Variants in PDE8A observed in about 807,000 individuals in gnomAD.
The protein encoded by PDE8A is phosphodiesterase 8A, also known as high affinity cAMP-specific and IBMX-insensitive 3',5'-cyclic phosphodiesterase 8A.
In PDE8A, 59 loss-of-function variants were observed where a neutral mutation model predicts 105.0. The observed-to-expected ratio is 0.56, with a 90% CI of 0.46 to 0.70. PDE8A has a LOEUF of 0.70. Among genes scored for constraint, PDE8A ranks in the 30% least tolerant of loss-of-function variants. PDE8A has a pLI of 0.00. For synonymous variants in PDE8A, 355 were observed against 371.9 expected (o/e 0.95, Z 0.52); for missense variants, 1,014 against 1,045.9 (o/e 0.97, Z 0.42).
chr15:85,057,643 G>C (rs1023223057), intron 1 of PDE8A, among the ~76,000 whole-genome samples: 2 of 152,212 alleles, frequency 1.3e-5, no homozygotes, highest in Non-Finnish European at 2.9e-5. Flanking sequence ...GACTGGAGCT[G>C]TTCCTATTCG....
At chr15:84,989,802 C>T (rs1056284148) in intron 1 of PDE8A, among the ~76,000 whole-genome samples, 5 of 152,138 alleles carry the variant, frequency 3.3e-5, no homozygotes, top group African/African-American at 9.7e-5. Context: ...TATTTTTTAA[C>T]GCAGATCTCA....
chr15:85,046,482 G>T (rs2080890188), intron 1 of PDE8A, among the ~76,000 whole-genome samples: 1 of 152,184 alleles, frequency 6.6e-6, no homozygotes, highest in Non-Finnish European at 1.5e-5. Context: ...GGTTTAAAAA[G>T]ATTAGCTGTT....
intron 5 of PDE8A, among the ~76,000 whole-genome samples, chr15:85,078,547 T>TAAAA (rs767568911): frequency 1.2e-4 from 1 of 8,180 alleles, no homozygotes; most frequent in African/African-American, 3.7e-4. Context: ...ATACTCCATC[T>TAAAA]CAAAAAAAAA....
chr15:85,113,062 A>T (rs1284113819), intron 12 of PDE8A, among the ~76,000 whole-genome samples: 1 of 152,208 alleles, frequency 6.6e-6, no homozygotes, highest in Non-Finnish European at 1.5e-5. Flanking sequence ...CTAAGTAATT[A>T]TAAAGGCTTA....
chr15:84,982,391 C>A (rs775326380), intron 1 of PDE8A, 43 bp downstream of exon 1: 31 of 1,255,452 alleles, frequency 2.5e-5, no homozygotes, highest in Middle Eastern at 2.8e-4. Context: ...GAAACTCGGG[C>A]CCGGCCAGTA....
intron 1 of PDE8A, among the ~76,000 whole-genome samples, chr15:85,033,849 A>G (rs2080657867): frequency 6.6e-6 from 1 of 152,216 alleles, no homozygotes. Context: ...TGGGCGATAG[A>G]GCAAGACGTG....
At chr15:85,092,148 A>C (rs1434999349) in intron 8 of PDE8A, among the ~76,000 whole-genome samples, 2 of 151,994 alleles carry the variant, frequency 1.3e-5, no homozygotes, top group Non-Finnish European at 2.9e-5. Context: ...AGACACCATG[A>C]ATGGGCCTGT....
At chr15:85,009,483 A>C (rs2080205833) in intron 1 of PDE8A, among the ~76,000 whole-genome samples, 1 of 152,186 alleles carries the variant, frequency 6.6e-6, no homozygotes, top group African/African-American at 2.4e-5. Context: ...TGTAAAATTT[A>C]GGACTTTTCG....
chr15:85,041,036 T>C (rs2080799200), intron 1 of PDE8A, among the ~76,000 whole-genome samples: 1 of 152,194 alleles, frequency 6.6e-6, no homozygotes, highest in African/African-American at 2.4e-5. Flanking sequence ...TCTTTTCATA[T>C]GTCCCCTTAC....
In PDE8A at chr15:84,982,156, C is replaced by T. The variant is rs908165571; in HGVS notation, c.-7C>T. 1 of 1,351,720 alleles carries T rather than the reference C, an allele frequency of 7.4e-7. No homozygotes were observed. Among genetic ancestry groups the T allele is most frequent in the Non-Finnish European group, 9.5e-7 (1 of 1,054,336 alleles). The allele number at this position is 1,351,720 out of a possible 1,614,324, so 83.7% of individuals were successfully genotyped here. ...CCCGCCAGCGTGTCCGCGGCGCCGC[C>T]GCCAGCATGGGCTGTGCCCCGAGCA... is the stretch of plus-strand genomic sequence containing the variant. On this transcript the variant is annotated 5_prime_UTR_variant, in exon 1 of 22. Coordinates refer to ENST00000394553, the MANE Select transcript of PDE8A (RefSeq NM_002605.3).
At chr15:85,068,588 C>T (rs201875811) in intron 3 of PDE8A, among the ~76,000 whole-genome samples, 2 of 149,450 alleles carry the variant, frequency 1.3e-5, no homozygotes, top group African/African-American at 4.9e-5. Context: ...TGAATAGATA[C>T]CACTCAGAGG....
chr15:85,043,680 T>TTTTGTTTG (rs148058433), intron 1 of PDE8A, among the ~76,000 whole-genome samples: 22 of 150,122 alleles, frequency 1.5e-4, no homozygotes, highest in African/African-American at 4.7e-4. Flanking sequence ...ATTAATGGTT[T>TTTTGTTTG]TTTGTTTGTT....
intron 1 of PDE8A, among the ~76,000 whole-genome samples, chr15:85,037,159 G>A (rs1483454598): frequency 1.3e-5 from 2 of 150,820 alleles, no homozygotes; most frequent in African/African-American, 4.9e-5. Context: ...TCTCCCTCCC[G>A]GGTTCAAGGG....
At chr15:85,055,309 G>A (rs1450360767) in intron 1 of PDE8A, among the ~76,000 whole-genome samples, 2 of 152,180 alleles carry the variant, frequency 1.3e-5, no homozygotes, top group African/African-American at 2.4e-5. Flanking sequence ...GGAGAGTTCT[G>A]TAGATGTCTA....
At chr15:85,027,293 A>C (rs2141366611) in intron 1 of PDE8A, among the ~76,000 whole-genome samples, 1 of 152,282 alleles carries the variant, frequency 6.6e-6, no homozygotes, top group South Asian at 2.1e-4. Context: ...ATGTGAAATG[A>C]AGAGGACATA....
rs1000182376 is a variant in PDE8A at position 85,092,322 on chromosome 15, G to T, written c.852+1141G>T. On this transcript the variant is annotated intron_variant, in intron 8 of 21. Coordinates refer to ENST00000394553, the MANE Select transcript of PDE8A (RefSeq NM_002605.3). ...AACTTTTCTGTCAAGGATTTTTTTT[G>T]TTGTTGTTTTTTTTTGTTTTGTTTC... Among the ~76,000 whole-genome samples, 123 of 137,234 alleles carry T rather than the reference G, an allele frequency of 9.0e-4. 1 individual carries two copies. Among genetic ancestry groups the T allele is most frequent in the Admixed American group, 7.1e-3 (105 of 14,708 alleles). 90.0% of individuals were successfully genotyped at this position (137,234 alleles called of 152,430 possible).
chr15:84,996,084 T>TAA (rs2079970877), intron 1 of PDE8A, among the ~76,000 whole-genome samples: 1 of 152,256 alleles, frequency 6.6e-6, no homozygotes. Context: ...AAGAACTTTT[T>TAA]AATAAGTTTG....
intron 1 of PDE8A, among the ~76,000 whole-genome samples, chr15:85,015,448 C>G (rs971824903): frequency 2.0e-5 from 3 of 152,042 alleles, no homozygotes; most frequent in African/African-American, 7.2e-5. Context: ...GCTCAAGCAA[C>G]CCACCTGCCT....
chr15:85,023,806 G>C (rs758774288), intron 1 of PDE8A, among the ~76,000 whole-genome samples: 14 of 152,088 alleles, frequency 9.2e-5, no homozygotes, highest in Admixed American at 2.6e-4. Context: ...ATTGGTGGAG[G>C]GGGGATGACA....
Sources: gnomAD v4.1 joint callset for allele counts (sites outside exome capture counted in the v4.1 genomes callset) on GRCh38, gnomAD v4.1.1 for gene constraint, MANE v1.5 for transcripts, NCBI Gene and HGNC (gene_info 2026-07-23, HGNC 2026-07-21) for gene names.